OPTN: variants seen among roughly 807,000 people sequenced by gnomAD.
The protein encoded by OPTN is E3-14.7K-interacting protein.
Under a neutral mutation model 70.4 loss-of-function variants are expected in OPTN, and 54 were observed. The observed-to-expected ratio is 0.77, with a 90% CI of 0.62 to 0.96. The LOEUF is 0.96. Among genes scored for constraint, OPTN ranks in the 40% least tolerant of loss-of-function variants. OPTN has a pLI of 0.00. For synonymous variants in OPTN, 256 were observed against 248.5 expected, an observed-to-expected ratio of 1.03 and a Z score of -0.28; for missense variants, 624 against 673.2, an observed-to-expected ratio of 0.93 and a Z score of 0.81.
intron 11 of OPTN, 85 bp downstream of exon 11, chr10:13,126,124 C>T: frequency 1.2e-6 from 1 of 818,776 alleles, no homozygotes; most frequent in South Asian, 1.5e-5. Flanking sequence ...TTACATGAAT[C>T]CTTCACTAAA....
At position 13,130,986 on chromosome 10, in the gene OPTN, C is replaced by T. The variant is rs146334646; in HGVS notation, c.1402-1081C>T. 2.2e-3 allele frequency among the ~76,000 whole-genome samples: 336 copies of T among 152,212 alleles called. 3 individuals are homozygous for T. The highest frequency in any genetic ancestry group is 7.3e-3 in the African/African-American group (305 of 41,524). On this transcript the variant is annotated intron_variant, in intron 12 of 14. Transcript: ENST00000378747. ...CCAGGCTGGAGTGCAGTCGCATGAT[C>T]GTGGTTCACTGCAACCTCTATTTCC...
chr10:13,120,069 G>A (rs1389657887), intron 7 of OPTN, among the ~76,000 whole-genome samples: 3 of 144,276 alleles, frequency 2.1e-5, no homozygotes, highest in Admixed American at 1.4e-4. Flanking sequence ...TGCAAGCTCC[G>A]CCTCCCGGGT....
intron 1 of OPTN, chr10:13,104,612 C>T (rs778504024): frequency 1.3e-5 from 9 of 675,716 alleles, no homozygotes; most frequent in African/African-American, 3.6e-5. Context: ...ACTGTTTCCT[C>T]GTATTACCAC....
chr10:13,122,011 G>A (rs992322304), intron 7 of OPTN, among the ~76,000 whole-genome samples: 7 of 152,160 alleles, frequency 4.6e-5, no homozygotes, highest in African/African-American at 1.7e-4. Context: ...GTCCTAAAAG[G>A]AAAAGTCTTT....
chr10:13,134,213 T>G (rs533989832), intron 14 of OPTN, among the ~76,000 whole-genome samples: 1 of 152,330 alleles, frequency 6.6e-6, no homozygotes, highest in East Asian at 1.9e-4. Flanking sequence ...GCTTGTATTA[T>G]GCCCTTCACA....
At chr10:13,133,456 CG>C in intron 13 of OPTN, 45 bp from the exon 14 acceptor site, 1 of 1,513,166 alleles carries the variant, frequency 6.6e-7, no homozygotes, top group Non-Finnish European at 9.2e-7. Context: ...TGTCATGTTT[CG>C]GGGTTGTAGA....
Position 13,133,598 on chromosome 10 carries a change from C to T in OPTN, c.1612+17C>T, listed in dbSNP as rs767328211. On this transcript the variant is annotated intron_variant, in intron 14 of 14. Coordinates refer to ENST00000378747, the MANE Select transcript of OPTN (RefSeq NM_001008212.2). ...TTCAAAGAGGTGAGTCCCGTGTGAT[C>T]CTGGATTTTCAGGAAATAGCTATCC... 32 of 1,609,200 alleles carry T rather than the reference C, an allele frequency of 2.0e-5. No individual in the cohort carries two copies. Among genetic ancestry groups the T allele is most frequent in the African/African-American group, 2.7e-5 (2 of 74,796 alleles).
rs1354511138 is a variant in OPTN at position 13,114,775 on chromosome 10, TA to T, written c.553-1490del. Among the ~76,000 whole-genome samples the T allele has an allele frequency of 3.4e-4, 35 of 102,094 alleles. 3 individuals are homozygous for T. Among genetic ancestry groups the T allele is most frequent in the South Asian group, 6.0e-4 (2 of 3,328 alleles). 67.0% of individuals were successfully genotyped at this position (102,094 alleles called of 152,430 possible). On this transcript the variant is annotated intron_variant, in intron 5 of 14. Coordinates refer to ENST00000378747, the MANE Select transcript of OPTN (RefSeq NM_001008212.2). ...TTATATAATTGCATATATAATTATA[TA>T]ATTATATAATTATATAATTATATAT...
intron 4 of OPTN, among the ~76,000 whole-genome samples, chr10:13,110,752 A>C (rs1311082475): frequency 6.6e-6 from 1 of 152,220 alleles, no homozygotes; most frequent in Non-Finnish European, 1.5e-5. Context: ...TATTGTATTC[A>C]TTATAGATGG....
chr10:13,130,424 C>CAAAAAAAAAAAA, intron 12 of OPTN, among the ~76,000 whole-genome samples: 1 of 51,756 alleles, frequency 1.9e-5, no homozygotes, highest in Admixed American at 3.2e-4. Flanking sequence ...GACTCTATCT[C>CAAAAAAAAAAAA]AAAAAAAAAA....
At chr10:13,121,823 C>T (rs929325505) in intron 7 of OPTN, among the ~76,000 whole-genome samples, 26 of 152,084 alleles carry the variant, frequency 1.7e-4, no homozygotes, top group Non-Finnish European at 3.7e-4. Flanking sequence ...TTTGAAGGTC[C>T]TTTTAGTAGA....
intron 2 of OPTN, 167 bp from the exon 3 acceptor site, chr10:13,108,945 C>G: frequency 1.4e-6 from 1 of 709,504 alleles, no homozygotes; most frequent in Non-Finnish European, 2.5e-6. Flanking sequence ...GCTACATATA[C>G]CTTTTTTGTT....
chr10:13,132,269 G>A (rs77873111), intron 13 of OPTN, 72 bp downstream of exon 13: 25,422 of 1,571,814 alleles, frequency 0.016, 442 homozygotes, highest in South Asian at 0.053. Context: ...GTCCAAAGAC[G>A]TTCCTGATTT....
chr10:13,126,888 G>C (rs1833478603), intron 11 of OPTN, among the ~76,000 whole-genome samples: 1 of 152,134 alleles, frequency 6.6e-6, no homozygotes, highest in Non-Finnish European at 1.5e-5. Flanking sequence ...AACCAAGTGT[G>C]ATGTTCGTGC....
intron 13 of OPTN, among the ~76,000 whole-genome samples, 165 bp downstream of exon 13, chr10:13,132,362 A>T (rs577873504): frequency 3.2e-4 from 48 of 152,162 alleles, no homozygotes; most frequent in Admixed American, 2.9e-3. Flanking sequence ...AATAAATAAT[A>T]ATAATAATAA....
At position 13,112,439 on chromosome 10, in the gene OPTN, C is replaced by G. The variant is rs886038367; in HGVS notation, c.370-14C>G. The stretch of plus-strand genomic sequence containing the variant: ...TTTGATCTGTTCATTCACTTTACTC[C>G]TTGTCATCTCCAGGACCCCACTGAT... On this transcript the variant is annotated splice_polypyrimidine_tract_variant and intron_variant, in intron 4 of 14. Coordinates refer to ENST00000378747, the MANE Select transcript of OPTN (RefSeq NM_001008212.2). The G allele has an allele frequency of 8.1e-6, 13 of 1,613,424 alleles. No individual in the cohort carries two copies. Among genetic ancestry groups the G allele is most frequent in the East Asian group, 2.2e-5 (1 of 44,860 alleles).
intron 2 of OPTN, chr10:13,108,906 G>A (rs572431317): frequency 1.6e-4 from 93 of 569,476 alleles, no homozygotes; most frequent in Middle Eastern, 4.8e-4. Context: ...GCACACATGC[G>A]CGTGCACACA....
At chr10:13,120,274 C>T (rs1484584669) in intron 7 of OPTN, among the ~76,000 whole-genome samples, 1 of 152,146 alleles carries the variant, frequency 6.6e-6, no homozygotes. Flanking sequence ...AGGCGTGAGC[C>T]ACCGCGCCCG....
chr10:13,109,377 C>T lies in OPTN; in HGVS notation c.166+89C>T, dbSNP rs776243322. The T allele has an allele frequency of 6.8e-5, 92 of 1,354,132 alleles. No individual in the cohort carries two copies. The Admixed American group carries it at 1.0e-3, about 15-fold the overall frequency. The allele number at this position is 1,354,132 out of a possible 1,614,324, so 83.9% of individuals were successfully genotyped here. A position where few individuals can be genotyped will look rare whatever the true frequency, so the allele number is the denominator to read the frequency against. On this transcript the variant is annotated intron_variant, in intron 3 of 14. Transcript: ENST00000378747. ...GCACTAAGGCTTGGTGGTGAGCTCC[C>T]TTCTCCCCGTTTCCATAGGTGGTAG... is the stretch of plus-strand genomic sequence containing the variant.
Sources: allele counts gnomAD v4.1 joint callset (sites outside exome capture counted in the v4.1 genomes callset), GRCh38; gene constraint gnomAD v4.1.1; transcripts MANE v1.5; gene names NCBI Gene and HGNC (gene_info 2026-07-23, HGNC 2026-07-21).